The following PLXNA4 variants were observed in gnomAD, a reference collection of about 807,000 sequenced individuals.
The protein encoded by PLXNA4 is plexin-A4.
A neutral mutation model predicts 191.8 loss-of-function variants in PLXNA4; 44 were observed. That is an observed-to-expected ratio of 0.23 (90% CI 0.18 to 0.29). PLXNA4 has a LOEUF of 0.29. Among genes scored for constraint, PLXNA4 ranks in the 10% least tolerant of loss-of-function variants. The probability of loss-of-function intolerance (pLI) is 1.00; values close to 1 mark genes in which losing one functional copy is unlikely to be tolerated. For synonymous variants in PLXNA4, 1,082 were observed against 1,009.5 expected (o/e 1.07, Z -1.36); for missense variants, 1,800 against 2,488.8 (o/e 0.72, Z 5.89).
At chr7:132,341,263 T>G (rs1241873291) in intron 3 of PLXNA4, among the ~76,000 whole-genome samples, 8 of 152,192 alleles carry the variant, frequency 5.3e-5, no homozygotes, top group East Asian at 1.9e-4. Context: ...AACCCTTGGG[T>G]TTTGCAGCCT....
At chr7:132,545,473 A>G (rs1249828444) in intron 1 of PLXNA4, among the ~76,000 whole-genome samples, 1 of 152,224 alleles carries the variant, frequency 6.6e-6, no homozygotes, top group African/African-American at 2.4e-5. Flanking sequence ...TTGAACTGAG[A>G]GAGCTGGGAT....
intron 24 of PLXNA4, among the ~76,000 whole-genome samples, chr7:132,160,842 T>C (rs1388878028): frequency 6.6e-6 from 1 of 152,176 alleles, no homozygotes; most frequent in Non-Finnish European, 1.5e-5. Context: ...ATCAGAACCC[T>C]GGGCTCTGGG....
chr7:132,621,893 A>G (rs1803275310), intron 2 of PLXNA4, among the ~76,000 whole-genome samples: 1 of 152,158 alleles, frequency 6.6e-6, no homozygotes, highest in Admixed American at 6.5e-5. Context: ...AGTCAACTAC[A>G]TTGCTGCTAT....
Position 132,270,760 on chromosome 7 carries a change from T to G in PLXNA4, c.1503+27331A>C, listed in dbSNP as rs1171571202. On this transcript the variant is annotated intron_variant, in intron 4 of 31. Transcript: ENST00000321063. ...TGCTGAAATACAGAACCAAAGAATT[T>G]TATCATTTAAAGTGCCTACACAATA... 2.0e-5 allele frequency among the ~76,000 whole-genome samples: 3 copies of G among 152,230 alleles called. No individual in the cohort carries two copies. The East Asian group carries it at 5.8e-4, about 29-fold the overall frequency.
chr7:132,630,753 C>T (rs1275503391), intron 2 of PLXNA4, among the ~76,000 whole-genome samples: 3 of 152,270 alleles, frequency 2.0e-5, no homozygotes, highest in East Asian at 1.9e-4. Context: ...CCTTGTGATC[C>T]GCCCACCTCG....
At position 132,134,902 on chromosome 7, in the gene PLXNA4, G is replaced by A. The variant is rs1037292325; in HGVS notation, c.5439-1703C>T. Among the ~76,000 whole-genome samples the A allele has an allele frequency of 7.2e-5, 11 of 151,922 alleles. No individual in the cohort carries two copies. In the South Asian group the frequency reaches 1.0e-3, roughly 14 times the overall value. On this transcript the variant is annotated intron_variant, in intron 30 of 31. Coordinates refer to ENST00000321063, the MANE Select transcript of PLXNA4 (RefSeq NM_020911.2). The stretch of plus-strand genomic sequence containing the variant: ...ATCCCCAGAAGAGCCTGTTCTCTTC[G>A]AGGCCTGTGACCCGCCCCAAAACAC...
intron 4 of PLXNA4, among the ~76,000 whole-genome samples, chr7:132,296,587 C>T (rs1013422542): frequency 3.9e-5 from 6 of 151,958 alleles, no homozygotes; most frequent in African/African-American, 1.2e-4. Context: ...TTATATTTTC[C>T]GTCTTTGAAA....
At chr7:132,446,323 C>G (rs1170128707) in intron 3 of PLXNA4, among the ~76,000 whole-genome samples, 1 of 152,212 alleles carries the variant, frequency 6.6e-6, no homozygotes, top group Admixed American at 6.5e-5. Flanking sequence ...GCCCAACAAA[C>G]TAGGCACAGG....
chr7:132,229,291 G>A (rs1409542038), intron 5 of PLXNA4, among the ~76,000 whole-genome samples: 24 of 152,224 alleles, frequency 1.6e-4, no homozygotes, highest in Non-Finnish European at 2.2e-4. Context: ...GGTGTCACAA[G>A]TGGACCATGT....
chr7:132,623,911 C>CTTGG (rs1489616072), intron 2 of PLXNA4, among the ~76,000 whole-genome samples: 1 of 152,184 alleles, frequency 6.6e-6, no homozygotes, highest in African/African-American at 2.4e-5. Flanking sequence ...GAGTACCTGG[C>CTTGG]TTGGTATCCA....
At chr7:132,414,666 G>A (rs1174079581) in intron 3 of PLXNA4, among the ~76,000 whole-genome samples, 1 of 152,120 alleles carries the variant, frequency 6.6e-6, no homozygotes, top group East Asian at 1.9e-4. Context: ...TTATGAGGGT[G>A]GCTAATTAAT....
rs1285865521 is a variant in PLXNA4 at position 132,148,763 on chromosome 7, C to T, written c.4661-117G>A. 2.8e-6 allele frequency: 4 copies of T among 1,441,678 alleles called. No homozygotes were observed. The Admixed American group carries it at 9.4e-5, about 34-fold the overall frequency. 89.3% of individuals were successfully genotyped at this position (1,441,678 alleles called of 1,614,324 possible). A position where few individuals can be genotyped will look rare whatever the true frequency, so the allele number is the denominator to read the frequency against. ...CTCAAGGGTGTGTCCATTGCAAGTGCTAGCACATGCTCCTGCGAAAATGGA... is the reference window on the plus strand; with the variant it reads ...CTCAAGGGTGTGTCCATTGCAAGTGTTAGCACATGCTCCTGCGAAAATGGA... On this transcript the variant is annotated intron_variant, in intron 25 of 31. Coordinates refer to ENST00000321063, the MANE Select transcript of PLXNA4 (RefSeq NM_020911.2).
chr7:132,155,061 ATTAC>A (rs1324890359), intron 25 of PLXNA4, among the ~76,000 whole-genome samples: 1 of 152,246 alleles, frequency 6.6e-6, no homozygotes, highest in East Asian at 1.9e-4. Flanking sequence ...GCCTACAGGA[ATTAC>A]TTATTTGAAA....
At chr7:132,364,868 C>T (rs942425195) in intron 3 of PLXNA4, among the ~76,000 whole-genome samples, 3 of 152,200 alleles carry the variant, frequency 2.0e-5, no homozygotes, top group African/African-American at 7.2e-5. Context: ...GCTTAATCCT[C>T]ATATTCTTCA....
chr7:132,350,521 A>T (rs2116799788), intron 3 of PLXNA4, among the ~76,000 whole-genome samples: 1 of 152,290 alleles, frequency 6.6e-6, no homozygotes, highest in Admixed American at 6.5e-5. Flanking sequence ...AAAAATAAAA[A>T]ATAAAAAAAT....
chr7:132,170,026 G>C (rs1796238311), intron 21 of PLXNA4, among the ~76,000 whole-genome samples: 1 of 151,958 alleles, frequency 6.6e-6, no homozygotes, highest in Non-Finnish European at 1.5e-5. Flanking sequence ...CCCCAAGGGG[G>C]TGGATACCAC....
chr7:132,377,868 C>A (rs1469638726), intron 3 of PLXNA4, among the ~76,000 whole-genome samples: 2 of 152,138 alleles, frequency 1.3e-5, no homozygotes, highest in East Asian at 3.9e-4. Context: ...TTTCTCACAG[C>A]ACAGCCTGGC....
At chr7:132,518,769 G>A (rs576912609) in intron 1 of PLXNA4, among the ~76,000 whole-genome samples, 1 of 152,286 alleles carries the variant, frequency 6.6e-6, no homozygotes, top group South Asian at 2.1e-4. Context: ...GAGCCTGTGA[G>A]CCTCTCCATT....
intron 29 of PLXNA4, among the ~76,000 whole-genome samples, chr7:132,144,623 T>C (rs1439366230): frequency 1.3e-5 from 2 of 152,198 alleles, no homozygotes; most frequent in Non-Finnish European, 2.9e-5. Flanking sequence ...CTGTTAGACA[T>C]TGCCCTTCTA....
Sources: gnomAD v4.1 joint callset for allele counts (sites outside exome capture counted in the v4.1 genomes callset) on GRCh38, gnomAD v4.1.1 for gene constraint, MANE v1.5 for transcripts, NCBI Gene and HGNC (gene_info 2026-07-23, HGNC 2026-07-21) for gene names.